Variants in CREB5 observed in about 807,000 individuals in gnomAD.
CREB5 encodes the protein cyclic AMP-responsive element-binding protein 5.
CREB5 carries 19 observed loss-of-function variants against 57.1 expected under a neutral mutation model. That is an observed-to-expected ratio of 0.33 (90% confidence interval 0.23 to 0.49). CREB5 has a LOEUF of 0.49. Ranked by LOEUF, CREB5 falls within the 20% of genes least tolerant of loss-of-function variation. CREB5 has a pLI of 0.99. For missense variants in CREB5, 579 were observed against 671.6 expected (o/e 0.86, Z 1.52); for synonymous variants, 238 against 238.3 (o/e 1.00, Z 0.01).
rs56166148 is a variant in CREB5, at chr7:28,394,070, C to CAAAAAAAAA, written c.-25+94657_-25+94665dup. 2.6e-4 allele frequency among the ~76,000 whole-genome samples: 14 copies of CAAAAAAAAA among 52,996 alleles called. 1 individual carries two copies. The highest frequency in any genetic ancestry group is 5.2e-4 in the East Asian group (1 of 1,924). The allele number at this position is 52,996 out of a possible 152,430, so 34.8% of individuals were successfully genotyped here. On this transcript the variant is annotated intron_variant, in intron 1 of 9. Transcript: ENST00000396299. Reference sequence around the variant, plus strand: ...TGGGGGATGGAGCAAGACTCTGTCTCAAAAAAAAAAAAAAAAAAAAAAAAA... The same window carrying CAAAAAAAAA: ...TGGGGGATGGAGCAAGACTCTGTCTCAAAAAAAAAAAAAAAAAAAAAAAAAAAAAAAAAA...
intron 1 of CREB5, among the ~76,000 whole-genome samples, chr7:28,413,317 AC>A (rs1787885015): frequency 1.3e-5 from 2 of 152,128 alleles, no homozygotes; most frequent in African/African-American, 2.4e-5. Context: ...TTAAAAAAAA[AC>A]AATAAAACAG....
intron 5 of CREB5, among the ~76,000 whole-genome samples, chr7:28,651,581 A>G (rs112401291): frequency 1.8e-4 from 27 of 152,204 alleles, no homozygotes; most frequent in African/African-American, 6.0e-4. Flanking sequence ...ATCTCTACAA[A>G]AAAATTAAAA....
rs1413829457 is a variant in CREB5, at chr7:28,744,338, CTCT to C, written c.702+20008_702+20010del. On this transcript the variant is annotated intron_variant, in intron 7 of 10. Coordinates refer to ENST00000357727, the MANE Select transcript of CREB5 (RefSeq NM_182898.4). Reference sequence around the variant, plus strand: ...TGACCTCTCATTTTACCTTTAGTACCTCTTTTTTTTTTTTTTTTTTTTTTTTTT... The same window carrying C: ...TGACCTCTCATTTTACCTTTAGTACCTTTTTTTTTTTTTTTTTTTTTTTTT... 4.5e-5 allele frequency among the ~76,000 whole-genome samples: 6 copies of C among 133,230 alleles called. No homozygotes were observed. In the East Asian group the frequency reaches 1.2e-3, roughly 28 times the overall value. The allele number at this position is 133,230 out of a possible 152,430, so 87.4% of individuals were successfully genotyped here. A position where few individuals can be genotyped will look rare whatever the true frequency, so the allele number is the denominator to read the frequency against.
rs898863479 is a variant in CREB5, at chr7:28,819,550, C to T, written c.*271C>T. On this transcript the variant is annotated 3_prime_UTR_variant, in exon 11 of 11. Coordinates refer to ENST00000357727, the MANE Select transcript of CREB5 (RefSeq NM_182898.4). ...ACCAGTTACTTGTTTATAAACTGAACCTTTTCTGTATATAGCCATGGTTTC... is the reference window on the plus strand; with the variant it reads ...ACCAGTTACTTGTTTATAAACTGAATCTTTTCTGTATATAGCCATGGTTTC... The T allele has an allele frequency of 5.5e-6, 2 of 361,256 alleles. No homozygotes were observed. The highest frequency in any genetic ancestry group is 1.0e-5 in the Non-Finnish European group (2 of 199,540). 22.4% of individuals were successfully genotyped at this position (361,256 alleles called of 1,614,324 possible).
intron 7 of CREB5, among the ~76,000 whole-genome samples, chr7:28,795,079 C>T (rs574230109): frequency 6.6e-6 from 1 of 152,126 alleles, no homozygotes; most frequent in African/African-American, 2.4e-5. Context: ...AGGACTCTCA[C>T]TCTCTTGAGT....
At position 28,710,293 on chromosome 7, in the gene CREB5, A is replaced by T. The variant is rs563129004; in HGVS notation, c.465-8460A>T. On this transcript the variant is annotated intron_variant, in intron 5 of 10. Transcript: ENST00000357727. ...TAAGTGAAGATATCTATTGAACGTGATTCCTGGAATGTCCATTGTTAGAGT... is the reference window on the plus strand; with the variant it reads ...TAAGTGAAGATATCTATTGAACGTGTTTCCTGGAATGTCCATTGTTAGAGT... 2.9e-4 allele frequency among the ~76,000 whole-genome samples: 44 copies of T among 152,282 alleles called. 1 individual carries two copies. Among genetic ancestry groups the T allele is most frequent in the African/African-American group, 1.1e-3 (44 of 41,542 alleles).
At chr7:28,612,428 C>T (rs1450136808) in intron 5 of CREB5, among the ~76,000 whole-genome samples, 1 of 151,776 alleles carries the variant, frequency 6.6e-6, no homozygotes, top group Non-Finnish European at 1.5e-5. Context: ...ACAGGAGACA[C>T]TTTAAAAAAA....
chr7:28,814,660 T>TA lies in CREB5; in HGVS notation c.1255-3402dup, dbSNP rs527729551. Among the ~76,000 whole-genome samples the TA allele has an allele frequency of 6.0e-3, 911 of 151,780 alleles. 9 individuals are homozygous for TA. The highest frequency in any genetic ancestry group is 0.02 in the African/African-American group (832 of 41,416). On this transcript the variant is annotated intron_variant, in intron 9 of 10. Transcript: ENST00000357727. ...AGGTGACACAGAATTGCTTGTAGAA[T>TA]AAAAAAAAATTCTTTCTGGAAGGAA...
In CREB5 at chr7:28,455,237, C is replaced by A. The variant is rs532821890; in HGVS notation, c.4-32938C>A. Among the ~76,000 whole-genome samples the A allele has an allele frequency of 1.3e-4, 20 of 152,182 alleles. No individual in the cohort carries two copies. The South Asian group carries it at 3.5e-3, about 27-fold the overall frequency. The stretch of plus-strand genomic sequence containing the variant: ...TTGGAAATGCTTACAGTGTGGAAGC[C>A]CCGAGCCGAACTGCAGGAGCTGTGG... On this transcript the variant is annotated intron_variant, in intron 1 of 10. Coordinates refer to ENST00000357727, the MANE Select transcript of CREB5 (RefSeq NM_182898.4).
intron 1 of CREB5, among the ~76,000 whole-genome samples, chr7:28,376,634 G>C (rs1035398432): frequency 6.6e-6 from 1 of 152,214 alleles, no homozygotes; most frequent in Admixed American, 6.5e-5. Context: ...CCAAAGGTGA[G>C]GTGGTTGGAT....
intron 5 of CREB5, among the ~76,000 whole-genome samples, chr7:28,571,486 C>A (rs139545544): frequency 1.8e-4 from 27 of 152,226 alleles, no homozygotes; most frequent in Middle Eastern, 6.8e-3. Flanking sequence ...AAAGCAGGCC[C>A]CTCTCTCTCA....
rs545040474 is a variant in CREB5 at position 28,765,521 on chromosome 7, G to A, written c.703-38678G>A. ...CCACAAAACCACATTTGCCTTATTCGTAGCTTTGTGTGTACATGTATGTTT... is the reference window on the plus strand; with the variant it reads ...CCACAAAACCACATTTGCCTTATTCATAGCTTTGTGTGTACATGTATGTTT... On this transcript the variant is annotated intron_variant, in intron 7 of 10. Coordinates refer to ENST00000357727, the MANE Select transcript of CREB5 (RefSeq NM_182898.4). Among the ~76,000 whole-genome samples, 199 of 152,142 alleles carry A rather than the reference G, an allele frequency of 1.3e-3. 1 individual carries two copies. Among genetic ancestry groups the A allele is most frequent in the African/African-American group, 4.6e-3 (189 of 41,502 alleles).
At chr7:28,459,622 A>G (rs1341227952) in intron 1 of CREB5, among the ~76,000 whole-genome samples, 3 of 152,130 alleles carry the variant, frequency 2.0e-5, no homozygotes, top group Non-Finnish European at 4.4e-5. Flanking sequence ...GATGGCAGAC[A>G]TGGATACACA....
In CREB5 at chr7:28,570,381, A is replaced by G. The variant is rs780310291; in HGVS notation, c.308A>G (p.Asn103Ser). 1 of 1,613,752 alleles carries G rather than the reference A, an allele frequency of 6.2e-7. No individual in the cohort carries two copies. Among genetic ancestry groups the G allele is most frequent in the South Asian group, 1.1e-5 (1 of 90,994 alleles). Residue 103 changes from asparagine to serine, a missense_variant, in exon 5 of 11, where the codon AAT (asparagine) becomes AGT (serine). Asn to Ser is a conservative substitution (Grantham distance 46). Transcript: ENST00000357727. ...TCTGGGCAGAATATCTCGATGCATAATGCAGTTGGTGGGGCCATGACGGGG... is the reference window on the plus strand; with the variant it reads ...TCTGGGCAGAATATCTCGATGCATAGTGCAGTTGGTGGGGCCATGACGGGG... ...ESSKRNISMHNAVGGAMTGPG... is the reference protein window; with the variant it reads ...ESSKRNISMHSAVGGAMTGPG...
intron 7 of CREB5, among the ~76,000 whole-genome samples, chr7:28,746,145 A>C (rs1268449036): frequency 6.6e-6 from 1 of 152,208 alleles, no homozygotes; most frequent in East Asian, 1.9e-4. Context: ...AGGAGGTACA[A>C]AGCTACTTTT....
intron 5 of CREB5, among the ~76,000 whole-genome samples, chr7:28,675,070 T>G (rs1309647426): frequency 2.0e-5 from 3 of 152,204 alleles, no homozygotes; most frequent in African/African-American, 7.2e-5. Flanking sequence ...CATATGTGGC[T>G]CCTTCTCACT....
At chr7:28,494,817 A>G in intron 2 of CREB5, 89 bp from the exon 3 acceptor site, 1 of 827,876 alleles carries the variant, frequency 1.2e-6, no homozygotes, top group Non-Finnish European at 1.8e-6. Context: ...GCAATGCTAA[A>G]TAAGTCTTTT....
intron 5 of CREB5, among the ~76,000 whole-genome samples, chr7:28,717,457 G>A (rs1802758760): frequency 6.6e-6 from 1 of 152,100 alleles, no homozygotes; most frequent in Non-Finnish European, 1.5e-5. Flanking sequence ...ATTGCAACAG[G>A]CATGTGAAGG....
intron 5 of CREB5, among the ~76,000 whole-genome samples, chr7:28,590,540 A>AG (rs1410375270): frequency 1.5e-5 from 1 of 68,484 alleles, no homozygotes. Context: ...GGGTGGGGGG[A>AG]GGGGGGAGGG....
Sources: gnomAD v4.1 joint callset for allele counts (sites outside exome capture counted in the v4.1 genomes callset) on GRCh38, gnomAD v4.1.1 for gene constraint, MANE v1.5 for transcripts, NCBI Gene and HGNC (gene_info 2026-07-23, HGNC 2026-07-21) for gene names.